PRH1: variants seen among roughly 807,000 people sequenced by gnomAD.
The protein encoded by PRH1 is salivary acidic proline-rich phosphoprotein 1/2.
In PRH1, 7 loss-of-function variants were observed where a neutral mutation model predicts 7.9. The ratio of observed to expected loss-of-function variants is 0.89; its 90% CI spans 0.50 to 1.67. The LOEUF (loss-of-function observed/expected upper bound fraction) is 1.67, where lower values mean the gene tolerates loss of function less well. Ranked by LOEUF, PRH1 falls within the 40% of genes most tolerant of loss-of-function variation. The probability of loss-of-function intolerance (pLI) is 0.00; values close to 1 mark genes in which losing one functional copy is unlikely to be tolerated. For missense variants in PRH1, 109 were observed against 223.6 expected, an observed-to-expected ratio of 0.49 and a Z score of 3.27; for synonymous variants, 45 against 80.8, an observed-to-expected ratio of 0.56 and a Z score of 2.38.
chr12:11,170,857 T>C (rs1347107620), intron 1 of PRH1, among the ~76,000 whole-genome samples: 1 of 152,252 alleles, frequency 6.6e-6, no homozygotes, highest in Admixed American at 6.5e-5. Context: ...TATGGTATAT[T>C]ATGAATACAG....
chr12:10,987,949 T>A (rs1387057284), intron 1 of PRH1, among the ~76,000 whole-genome samples: 1 of 152,140 alleles, frequency 6.6e-6, no homozygotes, highest in Non-Finnish European at 1.5e-5. Context: ...AGAAAATTGG[T>A]AGATTTCACA....
At chr12:11,015,292 A>G (rs570183815) in intron 1 of PRH1, among the ~76,000 whole-genome samples, 2 of 152,292 alleles carry the variant, frequency 1.3e-5, no homozygotes, top group Non-Finnish European at 2.9e-5. Context: ...ACAAGACCCC[A>G]GAAGTATACC....
chr12:11,155,822 T>A (rs1422436766), intron 1 of PRH1, among the ~76,000 whole-genome samples: 1 of 152,184 alleles, frequency 6.6e-6, no homozygotes, highest in Non-Finnish European at 1.5e-5. Flanking sequence ...TTATTTTACA[T>A]GTCATTCAAT....
intron 2 of PRH1, among the ~76,000 whole-genome samples, chr12:10,969,273 C>A (rs968623545): frequency 1.3e-5 from 2 of 152,160 alleles, no homozygotes; most frequent in Non-Finnish European, 2.9e-5. Context: ...TGAGCTGCTT[C>A]TCCTCTCGAT....
At chr12:11,128,662 T>C (rs1339451361) in intron 1 of PRH1, among the ~76,000 whole-genome samples, 1 of 151,962 alleles carries the variant, frequency 6.6e-6, no homozygotes, top group African/African-American at 2.4e-5. Flanking sequence ...GGAGAATCAT[T>C]TGAACCCAGA....
chr12:11,065,817 A>C (rs1230978670), intron 1 of PRH1, among the ~76,000 whole-genome samples: 1 of 152,198 alleles, frequency 6.6e-6, no homozygotes, highest in Non-Finnish European at 1.5e-5. Context: ...TGGTCTACGC[A>C]TTCTCCTGCA....
chr12:11,158,021 T>G (rs1947305727), intron 1 of PRH1, among the ~76,000 whole-genome samples: 1 of 152,334 alleles, frequency 6.6e-6, no homozygotes, highest in Non-Finnish European at 1.5e-5. Context: ...TTTCACCTAC[T>G]ACTTCATGAA....
chr12:11,120,594 T>A (rs148172450), downstream of PRH1, among the ~76,000 whole-genome samples: 1 of 152,290 alleles, frequency 6.6e-6, no homozygotes, highest in Middle Eastern at 3.4e-3. Flanking sequence ...CTTCCAAGTG[T>A]CAACTGCTTT....
intron 1 of PRH1, among the ~76,000 whole-genome samples, chr12:10,992,671 C>A (rs913580935): frequency 6.6e-5 from 10 of 152,228 alleles, no homozygotes; most frequent in Middle Eastern, 3.4e-3. Flanking sequence ...CCTCAGCCTC[C>A]CAAATTGTTT....
chr12:11,082,573 T>C (rs145127678), intron 1 of PRH1, among the ~76,000 whole-genome samples: 2,897 of 114,948 alleles, frequency 0.025, 842 homozygotes, highest in South Asian at 0.039. Context: ...CCTAGAGTGC[T>C]GGGATTACAG....
intron 2 of PRH1, among the ~76,000 whole-genome samples, chr12:10,966,370 A>G (rs1938499365): frequency 6.6e-6 from 1 of 152,206 alleles, no homozygotes; most frequent in Non-Finnish European, 1.5e-5. Flanking sequence ...GCTTGCTTTG[A>G]TTAACAGAAA....
chr12:11,014,399 A>G (rs544231178), intron 1 of PRH1, among the ~76,000 whole-genome samples: 4 of 152,304 alleles, frequency 2.6e-5, no homozygotes, highest in African/African-American at 9.6e-5. Context: ...CAACATGATG[A>G]CTAACCTTGG....
rs905300910 is a variant in PRH1 at position 10,917,031 on chromosome 12, A to C, written c.-58-32756T>G. On this transcript the variant is annotated intron_variant, in intron 2 of 3. Coordinates refer to the PRH1 transcript ENST00000539853. ...GCCCAGGCTGCAGTGAGCCATGCTT[A>C]TGCCACTGCCAGTCAGCCTGGGTGA... Among the ~76,000 whole-genome samples the C allele has an allele frequency of 2.6e-5, 4 of 152,182 alleles. No individual in the cohort carries two copies. In the East Asian group the frequency reaches 7.7e-4, roughly 29 times the overall value.
intron 1 of PRH1, chr12:11,031,054 G>A: frequency 6.2e-7 from 1 of 1,614,308 alleles, no homozygotes; most frequent in Non-Finnish European, 8.5e-7. Context: ...GCCAGTTGCT[G>A]AAATGGCCGG....
At chr12:10,980,744 G>C (rs1939313414) in intron 1 of PRH1, among the ~76,000 whole-genome samples, 4 of 152,252 alleles carry the variant, frequency 2.6e-5, no homozygotes, top group Admixed American at 2.6e-4. Context: ...AGACAAGAGA[G>C]AACTAGCAAA....
chr12:11,020,663 T>C (rs1312798199), intron 1 of PRH1, among the ~76,000 whole-genome samples: 1 of 149,730 alleles, frequency 6.7e-6, no homozygotes, highest in African/African-American at 2.4e-5. Context: ...TTTCACAGAT[T>C]TTTATGTAAT....
intron 1 of PRH1, among the ~76,000 whole-genome samples, chr12:11,131,343 C>A (rs1946334108): frequency 6.7e-6 from 1 of 149,610 alleles, no homozygotes; most frequent in Non-Finnish European, 1.5e-5. Context: ...TACCAGACAT[C>A]ACCACACATT....
At chr12:11,019,612 C>A (rs1310393241) in intron 1 of PRH1, among the ~76,000 whole-genome samples, 1 of 151,326 alleles carries the variant, frequency 6.6e-6, no homozygotes, top group Non-Finnish European at 1.5e-5. Flanking sequence ...AATGAAATGC[C>A]TTTTTGTGTA....
chr12:11,170,738 G>A lies in PRH1; in HGVS notation n.39+684C>T, dbSNP rs556643915. On this transcript the variant is annotated intron_variant and non_coding_transcript_variant, in intron 1 of 1. Coordinates refer to the PRH1 transcript ENST00000541175. ...TATGTCCTTATGTATATACGCGTGT[G>A]TGTCCACTAGTTTTTTGCTTGAATG... 1.1e-4 allele frequency among the ~76,000 whole-genome samples: 16 copies of A among 152,308 alleles called. No individual in the cohort carries two copies. In the South Asian group the frequency reaches 3.3e-3, roughly 32 times the overall value.
Sources: allele counts gnomAD v4.1 joint callset (sites outside exome capture counted in the v4.1 genomes callset), GRCh38; gene constraint gnomAD v4.1.1; transcripts MANE v1.5; gene names NCBI Gene and HGNC (gene_info 2026-07-23, HGNC 2026-07-21).